SPEF2: variants seen among roughly 807,000 people sequenced by gnomAD.
SPEF2 encodes sperm flagella and cilia-associated protein 2.
SPEF2 carries 187 observed loss-of-function variants against 224.6 expected under a neutral mutation model. The observed-to-expected ratio is 0.83, with a 90% CI of 0.74 to 0.94. The LOEUF (loss-of-function observed/expected upper bound fraction) is 0.94, where lower values mean the gene tolerates loss of function less well. Among genes scored for constraint, SPEF2 ranks in the 40% least tolerant of loss-of-function variants. The pLI, the probability that SPEF2 is intolerant of heterozygous loss-of-function variation, is 0.00. For missense variants in SPEF2, 2,170 were observed against 2,135.6 expected (o/e 1.02, Z -0.32); for synonymous variants, 715 against 707.3 (o/e 1.01, Z -0.17).
intron 23 of SPEF2, among the ~76,000 whole-genome samples, chr5:35,751,078 TACACAC>T (rs1180305756): frequency 4.6e-3 from 104 of 22,624 alleles, no homozygotes; most frequent in East Asian, 0.01. Flanking sequence ...TATATATATA[TACACAC>T]ACACACACAC....
At chr5:35,728,356 A>C (rs897548446) in intron 21 of SPEF2, among the ~76,000 whole-genome samples, 2 of 152,152 alleles carry the variant, frequency 1.3e-5, no homozygotes, top group South Asian at 4.2e-4. Context: ...GCCTAGCTCA[A>C]CTCGCAAGGC....
chr5:35,705,408 C>A (rs9292599), intron 17 of SPEF2, among the ~76,000 whole-genome samples: 81,447 of 151,784 alleles, frequency 0.54, 22,282 homozygotes, highest in African/African-American at 0.56. Context: ...ACCTGTACTC[C>A]TACTAAAAGT....
chr5:35,746,135 T>C (rs1015141497), intron 23 of SPEF2, among the ~76,000 whole-genome samples: 3 of 152,150 alleles, frequency 2.0e-5, no homozygotes, highest in African/African-American at 7.2e-5. Context: ...GAGTATTACA[T>C]CAAGGGAACA....
chr5:35,633,515 G>A (rs940167406), intron 2 of SPEF2, among the ~76,000 whole-genome samples: 1 of 151,808 alleles, frequency 6.6e-6, no homozygotes, highest in South Asian at 2.1e-4. Context: ...CAATAAATTT[G>A]TGTCTTTGAA....
intron 26 of SPEF2, among the ~76,000 whole-genome samples, chr5:35,765,559 G>A (rs940409803): frequency 1.5e-4 from 23 of 152,074 alleles, no homozygotes; most frequent in African/African-American, 5.6e-4. Context: ...TATCATCTTT[G>A]TCATACATTA....
In SPEF2 at chr5:35,631,233, G is replaced by A. The variant is rs562390852; in HGVS notation, c.161+2671G>A. Reference sequence around the variant, plus strand: ...TTTTTAAAACCATCAGACCTTGTGAGACCCATTCACTATCACGAGAACAGC... The same window carrying A: ...TTTTTAAAACCATCAGACCTTGTGAAACCCATTCACTATCACGAGAACAGC... On this transcript the variant is annotated intron_variant, in intron 2 of 36. Transcript: ENST00000356031. Among the ~76,000 whole-genome samples, 3 of 152,056 alleles carry A rather than the reference G, an allele frequency of 2.0e-5. No individual in the cohort carries two copies. The East Asian group carries it at 5.8e-4, about 29-fold the overall frequency.
At chr5:35,807,740 C>G in intron 36 of SPEF2, 1 of 1,535,898 alleles carries the variant, frequency 6.5e-7, no homozygotes, top group East Asian at 2.4e-5. Context: ...AAGGACAAAC[C>G]CCAGAGAAAC....
chr5:35,811,792 CAG>C (rs1279389207), intron 36 of SPEF2, among the ~76,000 whole-genome samples: 1 of 105,782 alleles, frequency 9.5e-6, no homozygotes, highest in African/African-American at 5.4e-5. Flanking sequence ...TTTTTTGAGA[CAG>C]AGTCTCGCTC....
chr5:35,800,681 C>G (rs1266264704), intron 34 of SPEF2, among the ~76,000 whole-genome samples: 6 of 152,194 alleles, frequency 3.9e-5, no homozygotes, highest in Non-Finnish European at 7.3e-5. Context: ...CATTGGCATT[C>G]CCTGGCTTTT....
In SPEF2 at chr5:35,714,971, A is replaced by G. The variant is rs549547789; in HGVS notation, c.2914+2085A>G. On this transcript the variant is annotated intron_variant, in intron 20 of 36. Transcript: ENST00000356031. ...CACTCTGTTGCCCAGGCTGGAGTGC[A>G]GTAGTGTGATCATGGCTCATTGCAG... is the stretch of plus-strand genomic sequence containing the variant. 3.9e-4 allele frequency among the ~76,000 whole-genome samples: 60 copies of G among 152,134 alleles called. 1 individual carries two copies. The highest frequency in any genetic ancestry group is 1.4e-3 in the African/African-American group (58 of 41,508).
chr5:35,699,375 C>T (rs950178517), intron 15 of SPEF2: 2 of 152,220 alleles, frequency 1.3e-5, no homozygotes, highest in Admixed American at 1.3e-4. Flanking sequence ...TGTTTTCCAG[C>T]TGCAAATTAA....
chr5:35,639,760 G>A (rs1380020030), intron 2 of SPEF2, among the ~76,000 whole-genome samples: 1 of 151,804 alleles, frequency 6.6e-6, no homozygotes, highest in Non-Finnish European at 1.5e-5. Flanking sequence ...ATGGCAAGAA[G>A]GGAAGGAGAT....
intron 9 of SPEF2, among the ~76,000 whole-genome samples, chr5:35,668,149 C>T (rs11748763): frequency 0.35 from 52,537 of 151,854 alleles, 9,873 homozygotes; most frequent in South Asian, 0.45. Flanking sequence ...CTAGCAATTA[C>T]ACTTCTGGGC....
chr5:35,701,795 G>A (rs762402423), intron 16 of SPEF2, among the ~76,000 whole-genome samples: 42 of 152,056 alleles, frequency 2.8e-4, no homozygotes, highest in African/African-American at 9.9e-4. Flanking sequence ...CCTAGGAAAC[G>A]TGACAAGGCC....
intron 10 of SPEF2, among the ~76,000 whole-genome samples, chr5:35,673,334 A>G (rs530973934): frequency 1.4e-4 from 22 of 152,262 alleles, no homozygotes; most frequent in African/African-American, 5.3e-4. Context: ...CCCTAATGCA[A>G]ATCCTTTCTG....
chr5:35,756,167 A>G (rs577318399), intron 24 of SPEF2, among the ~76,000 whole-genome samples: 1 of 152,324 alleles, frequency 6.6e-6, no homozygotes, highest in Non-Finnish European at 1.5e-5. Context: ...CTCGCTCAGA[A>G]TGTGAATCAT....
intron 20 of SPEF2, among the ~76,000 whole-genome samples, chr5:35,725,003 G>GTT (rs202221397): frequency 0.014 from 2,096 of 152,274 alleles, 43 homozygotes; most frequent in African/African-American, 0.049. Context: ...TCTACGCAGA[G>GTT]TAACAGCATA....
chr5:35,788,244 A>G (rs997268915), intron 30 of SPEF2: 8 of 703,038 alleles, frequency 1.1e-5, no homozygotes, highest in Non-Finnish European at 1.6e-5. Flanking sequence ...GGGAGAGTAG[A>G]GAACTTATTC....
rs114426181 is a variant in SPEF2 at position 35,695,659 on chromosome 5, A to T, written c.1976-76A>T. The T allele has an allele frequency of 1.7e-3, 2,135 of 1,224,504 alleles. 40 individuals are homozygous for T. In the African/African-American group the frequency reaches 0.028, roughly 16 times the overall value. 75.9% of individuals were successfully genotyped at this position (1,224,504 alleles called of 1,614,324 possible). Reference sequence around the variant, plus strand: ...TCTGATAACCCTTATGTCCAAAACCATAGATGGTCAAATACTGCTTTGGTT... The same window carrying T: ...TCTGATAACCCTTATGTCCAAAACCTTAGATGGTCAAATACTGCTTTGGTT... On this transcript the variant is annotated intron_variant, in intron 13 of 36. Transcript: ENST00000356031.
Sources: gnomAD v4.1 joint callset for allele counts (sites outside exome capture counted in the v4.1 genomes callset) on GRCh38, gnomAD v4.1.1 for gene constraint, MANE v1.5 for transcripts, NCBI Gene and HGNC (gene_info 2026-07-23, HGNC 2026-07-21) for gene names.